The following EFHC2 variants were observed in gnomAD, a reference collection of about 807,000 sequenced individuals.
EFHC2 encodes the protein EF-hand domain containing 2, also known as EF-hand domain-containing family member C2.
EFHC2 carries 18 observed loss-of-function variants against 52.7 expected under a neutral mutation model. That is an observed-to-expected ratio of 0.34 (90% CI 0.24 to 0.51). The LOEUF (loss-of-function observed/expected upper bound fraction) is 0.51, where lower values mean the gene tolerates loss of function less well. Among genes scored for constraint, EFHC2 ranks in the 20% least tolerant of loss-of-function variants. The pLI is 0.97. For synonymous variants in EFHC2, 203 were observed against 204.1 expected (o/e 0.99, Z 0.04); for missense variants, 513 against 562.5 (o/e 0.91, Z 0.89).
intron 9 of EFHC2, 109 bp from the exon 10 acceptor site, chrX:44,232,786 G>T: frequency 1.5e-6 from 1 of 660,917 alleles, no homozygotes. Context: ...TAAGTTACCT[G>T]TGAACTCATA....
At chrX:44,337,920 C>A (rs2038126323) in intron 1 of EFHC2, among the ~76,000 whole-genome samples, 1 of 111,664 alleles carries the variant, frequency 9.0e-6, no homozygotes, top group African/African-American at 3.3e-5. Flanking sequence ...TGTTGAACAT[C>A]TTTTTATGTA....
At chrX:44,248,564 ATATTC>A (rs2037417912) in intron 6 of EFHC2, among the ~76,000 whole-genome samples, 154 bp from the exon 7 acceptor site, 1 of 112,701 alleles carries the variant, frequency 8.9e-6, no homozygotes. Context: ...GTTGATGTTA[ATATTC>A]TAAAGTATTA....
At chrX:44,262,944 GC>G (rs1261481158) in intron 3 of EFHC2, among the ~76,000 whole-genome samples, 1 of 112,103 alleles carries the variant, frequency 8.9e-6, no homozygotes, top group Non-Finnish European at 1.9e-5. Context: ...ATCTTCCAAC[GC>G]TATAAGCAAA....
intron 1 of EFHC2, among the ~76,000 whole-genome samples, chrX:44,338,780 C>A (rs1253433017): frequency 1.9e-5 from 2 of 103,318 alleles, no homozygotes; most frequent in Non-Finnish European, 3.9e-5. Flanking sequence ...TTTTTTATTG[C>A]TGCAAATTCA....
At chrX:44,251,597 T>TAAAAAAAAAAAA (rs566022760) in intron 4 of EFHC2, among the ~76,000 whole-genome samples, 4 of 12,540 alleles carry the variant, frequency 3.2e-4, no homozygotes, top group Non-Finnish European at 4.6e-4. Flanking sequence ...CAATACTCTG[T>TAAAAAAAAAAAA]AAAAAAAAAA....
chrX:44,222,717 GA>G (rs2037203235), intron 11 of EFHC2, among the ~76,000 whole-genome samples: 1 of 111,880 alleles, frequency 8.9e-6, no homozygotes. Flanking sequence ...CATGGCAAAT[GA>G]AAAGGGTATC....
In EFHC2 at chrX:44,148,629, A is replaced by T; in HGVS notation, c.*166T>A. On this transcript the variant is annotated 3_prime_UTR_variant, in exon 15 of 15. Coordinates refer to ENST00000420999, the MANE Select transcript of EFHC2 (RefSeq NM_025184.4). Reference sequence around the variant, plus strand: ...AACAGTACGTCGGCAATGTAACATGATGTTCTGTAAAACTAACATGACAAA... The same window carrying T: ...AACAGTACGTCGGCAATGTAACATGTTGTTCTGTAAAACTAACATGACAAA... 1 of 439,367 alleles carries T rather than the reference A, an allele frequency of 2.3e-6. No individual in the cohort carries two copies. Among genetic ancestry groups the T allele is most frequent in the Non-Finnish European group, 3.8e-6 (1 of 260,034 alleles). The allele number at this position is 439,367 out of a possible 1,213,427, so 36.2% of individuals were successfully genotyped here.
chrX:44,246,397 T>C (rs953654744), intron 7 of EFHC2, among the ~76,000 whole-genome samples: 5 of 112,500 alleles, frequency 4.4e-5, no homozygotes, highest in African/African-American at 1.6e-4. Flanking sequence ...TTAACATATG[T>C]TATGAGAAAT....
chrX:44,289,677 CTTTTT>C (rs1207899077), intron 2 of EFHC2, among the ~76,000 whole-genome samples: 4 of 72,295 alleles, frequency 5.5e-5, no homozygotes, highest in African/African-American at 1.8e-4. Context: ...TCTTTTCTTT[CTTTTT>C]TTTTTTTTTT....
chrX:44,286,700 A>G (rs1159914679), intron 2 of EFHC2, among the ~76,000 whole-genome samples: 1 of 111,286 alleles, frequency 9.0e-6, no homozygotes, highest in African/African-American at 3.3e-5. Context: ...TTTGTATATT[A>G]TAGGAATTCT....
At chrX:44,319,984 C>G (rs1196149747) in intron 1 of EFHC2, among the ~76,000 whole-genome samples, 1 of 110,327 alleles carries the variant, frequency 9.1e-6, no homozygotes, top group East Asian at 2.8e-4. Context: ...ACTCTGTCAC[C>G]CAGGCTGGAG....
At chrX:44,202,317 G>A (rs190147531) in intron 11 of EFHC2, among the ~76,000 whole-genome samples, 48 of 111,447 alleles carry the variant, frequency 4.3e-4, no homozygotes, top group African/African-American at 1.5e-3. Context: ...GGAGGCTGAG[G>A]CAGAGAATTG....
At chrX:44,193,408 G>A (rs1051805458) in intron 11 of EFHC2, among the ~76,000 whole-genome samples, 4 of 111,208 alleles carry the variant, frequency 3.6e-5, no homozygotes, top group African/African-American at 9.8e-5. Context: ...TCATGGGCAT[G>A]TCCCTAACCC....
chrX:44,178,136 C>CACACACACACAA (rs1181853296), intron 12 of EFHC2, among the ~76,000 whole-genome samples: 23 of 102,772 alleles, frequency 2.2e-4, no homozygotes, highest in African/African-American at 7.9e-4. Context: ...ATATCACACA[C>CACACACACACAA]ACACACACAC....
At chrX:44,173,839 TTGG>T (rs2036764080) in intron 13 of EFHC2, among the ~76,000 whole-genome samples, 2 of 111,983 alleles carry the variant, frequency 1.8e-5, no homozygotes, top group Non-Finnish European at 3.8e-5. Context: ...GGATGATGAC[TTGG>T]TGGCCTCAGC....
At chrX:44,152,394 T>C (rs1344559407) in intron 14 of EFHC2, among the ~76,000 whole-genome samples, 1 of 111,943 alleles carries the variant, frequency 8.9e-6, no homozygotes, top group Non-Finnish European at 1.9e-5. Flanking sequence ...TCTGCGGGGC[T>C]ACCCTCCAGA....
chrX:44,310,173 C>A, intron 2 of EFHC2: 1 of 700,699 alleles, frequency 1.4e-6, no homozygotes, highest in African/African-American at 2.1e-5. Context: ...CTCGGTGGTC[C>A]AGAAGGAAGC....
At chrX:44,259,978 A>G (rs2037525446) in intron 4 of EFHC2, among the ~76,000 whole-genome samples, 1 of 111,953 alleles carries the variant, frequency 8.9e-6, no homozygotes, top group Admixed American at 9.5e-5. Flanking sequence ...TTTTAAAAAG[A>G]GATCAAAACA....
chrX:44,292,542 TC>T (rs1484605822), intron 2 of EFHC2, among the ~76,000 whole-genome samples: 2 of 112,134 alleles, frequency 1.8e-5, no homozygotes, highest in East Asian at 5.6e-4. Flanking sequence ...TTTGGCATAA[TC>T]ATCATTCCTG....
Sources: allele counts gnomAD v4.1 joint callset (sites outside exome capture counted in the v4.1 genomes callset), GRCh38; gene constraint gnomAD v4.1.1; transcripts MANE v1.5; gene names NCBI Gene and HGNC (gene_info 2026-07-23, HGNC 2026-07-21).